ARFIP2: variants seen among roughly 807,000 people sequenced by gnomAD.
ARFIP2 encodes ARF interacting protein 2.
Under a neutral mutation model 39.2 loss-of-function variants are expected in ARFIP2, and 14 were observed. That is an observed-to-expected ratio of 0.36 (90% CI 0.24 to 0.56). The LOEUF is 0.56. Among genes scored for constraint, ARFIP2 ranks in the 20% least tolerant of loss-of-function variants. The pLI is 0.85. For missense variants in ARFIP2, 305 were observed against 422.5 expected (o/e 0.72, Z 2.44); for synonymous variants, 167 against 172.4 (o/e 0.97, Z 0.24).
In ARFIP2 at chr11:6,477,726, C is replaced by G; in HGVS notation, c.862G>C (p.Glu288Gln). The change falls in exon 7 of 8, where the codon GAA becomes CAA. Residue 288 changes from glutamate to glutamine, a missense_variant. Physicochemically the swap from Glu to Gln is conservative, Grantham distance 29 (BLOSUM62 2). Coordinates refer to ENST00000396777, the MANE Select transcript of ARFIP2 (RefSeq NM_001376558.2). The surrounding 1 kb of genome is among the most constrained non-coding windows in gnomAD (Gnocchi z 4.8). ...DVAIKLKFLE[E>Q]NKIKVMHKQL... The stretch of plus-strand genomic sequence containing the variant: ...GGGGGTGGGGTTGGCACCTTGTTTT[C>G]TTCCAGGAACTTGAGCTTGATGGCC... 6.2e-7 allele frequency: 1 copy of G among 1,613,768 alleles called. No individual in the cohort carries two copies. The highest frequency in any genetic ancestry group is 8.5e-7 in the Non-Finnish European group (1 of 1,179,846).
Position 6,478,538 on chromosome 11 carries a change from C to T in ARFIP2, c.537+200G>A, listed in dbSNP as rs897450908. ...TTATTTGTGAGGCACCTAGTGTGCCCCCTCCCCCACCCCCTCCAACTTCTG... is the reference window on the plus strand; with the variant it reads ...TTATTTGTGAGGCACCTAGTGTGCCTCCTCCCCCACCCCCTCCAACTTCTG... On this transcript the variant is annotated intron_variant, in intron 5 of 7. Transcript: ENST00000396777. This position sits in a 1 kb window ranked among gnomAD's most constrained non-coding sequence, Gnocchi z 4.8. The T allele has an allele frequency of 2.1e-6, 3 of 1,426,388 alleles. No homozygotes were observed. Among genetic ancestry groups the T allele is most frequent in the African/African-American group, 1.4e-5 (1 of 69,494 alleles). 88.4% of individuals were successfully genotyped at this position (1,426,388 alleles called of 1,614,324 possible).
rs773239072 is a variant in ARFIP2, at chr11:6,478,129, C to T, written c.607G>A (p.Val203Met). The T allele has an allele frequency of 1.1e-5, 17 of 1,613,936 alleles. No homozygotes were observed. The Admixed American group carries it at 1.8e-4, about 17-fold the overall frequency. The change falls in exon 6 of 8, where the codon GTG becomes ATG. Residue 203 changes from valine to methionine, a missense_variant. Coordinates refer to ENST00000396777, the MANE Select transcript of ARFIP2 (RefSeq NM_001376558.2). This position sits in a 1 kb window ranked among gnomAD's most constrained non-coding sequence, Gnocchi z 4.8. Reference protein sequence around the residue: ...CKNGETLLGAVNFFVSSINTL... With the variant: ...CKNGETLLGAMNFFVSSINTL... The stretch of plus-strand genomic sequence containing the variant: ...TTGATGCTAGAGACAAAGAAGTTCA[C>T]GGCTCCTAGCAGCGTTTCCCCATTC...
chr11:6,479,545 G>A (rs1003717335), intron 3 of ARFIP2: 1 of 599,954 alleles, frequency 1.7e-6, no homozygotes, highest in Admixed American at 3.0e-5. Flanking sequence ...GGGGCAGCAG[G>A]AGTCAAGGAT....
Position 6,477,445 on chromosome 11 carries a change from C to A in ARFIP2, c.871-177G>T, listed in dbSNP as rs113331104. ...AGAAGGGTCAGTATGATGGAAGAAACCTCACTGGATTTGTGGGCCTAGGGT... is the reference window on the plus strand; with the variant it reads ...AGAAGGGTCAGTATGATGGAAGAAAACTCACTGGATTTGTGGGCCTAGGGT... On this transcript the variant is annotated intron_variant, in intron 7 of 7. Transcript: ENST00000396777. This position sits in a 1 kb window ranked among gnomAD's most constrained non-coding sequence, Gnocchi z 4.8. Among the ~76,000 whole-genome samples the A allele has an allele frequency of 1.7e-3, 257 of 152,218 alleles. No homozygotes were observed. Among genetic ancestry groups the A allele is most frequent in the Middle Eastern group, 3.4e-3 (1 of 294 alleles).
chr11:6,478,023 C>T lies in ARFIP2; in HGVS notation c.695+18G>A. The T allele has an allele frequency of 6.2e-7, 1 of 1,612,730 alleles. No homozygotes were observed. Among genetic ancestry groups the T allele is most frequent in the Non-Finnish European group, 8.5e-7 (1 of 1,178,940 alleles). The stretch of plus-strand genomic sequence containing the variant: ...ACCAGCCAACTCCCCAAACCCTAAG[C>T]CCTGCCAGTGCCCACACCTGGCAGC... On this transcript the variant is annotated intron_variant, in intron 6 of 7. Coordinates refer to ENST00000396777, the MANE Select transcript of ARFIP2 (RefSeq NM_001376558.2). This position sits in a 1 kb window ranked among gnomAD's most constrained non-coding sequence, Gnocchi z 4.8.
intron 3 of ARFIP2, 108 bp downstream of exon 3, chr11:6,479,864 C>A: frequency 8.9e-7 from 1 of 1,125,520 alleles, no homozygotes. Flanking sequence ...AGCAGAAGTT[C>A]CCAAGATCTC....
chr11:6,479,942 C>T (rs369584834), intron 3 of ARFIP2, 30 bp downstream of exon 3: 2 of 1,604,412 alleles, frequency 1.2e-6, no homozygotes. Flanking sequence ...CCCTCCTCCA[C>T]CCAAGATTCC....
intron 1 of ARFIP2, 50 bp from the exon 2 acceptor site, chr11:6,480,513 A>G (rs1851623545): frequency 2.1e-6 from 2 of 947,300 alleles, no homozygotes; most frequent in South Asian, 3.5e-5. Context: ...ACTCTAGAAG[A>G]AGGAGGCCTC....
chr11:6,479,927 C>T (rs758843927), intron 3 of ARFIP2, 45 bp downstream of exon 3: 38 of 1,570,190 alleles, frequency 2.4e-5, no homozygotes, highest in Non-Finnish European at 3.3e-5. Flanking sequence ...CAAACCATTC[C>T]TGTCCCCTCC....
Position 6,480,380 on chromosome 11 carries a change from G to A in ARFIP2, c.42C>T (p.Ile14=). The A allele has an allele frequency of 6.2e-7, 1 of 1,613,638 alleles. No individual in the cohort carries two copies. The highest frequency in any genetic ancestry group is 8.5e-7 in the Non-Finnish European group (1 of 1,179,826). Residue 14 remains isoleucine, a synonymous_variant, in exon 2 of 8, where the codon ATC becomes ATT. Transcript: ENST00000396777. ...GILGKAATME[I]PIHGNGEARQ... The stretch of plus-strand genomic sequence containing the variant: ...TGGCTTCGCCGTTCCCGTGGATAGG[G>A]ATCTCCATTGTGGCTGCCTTCCCTA...
Position 6,478,440 on chromosome 11 carries a change from G to C in ARFIP2, c.538-242C>G. On this transcript the variant is annotated intron_variant, in intron 5 of 7. Coordinates refer to ENST00000396777, the MANE Select transcript of ARFIP2 (RefSeq NM_001376558.2). The surrounding 1 kb of genome is among the most constrained non-coding windows in gnomAD (Gnocchi z 4.8). Reference sequence around the variant, plus strand: ...TTCACAAGACTGGAACAGTCTGAGAGCTAGTGTGGCAAGCAGGGGAGGGGC... The same window carrying C: ...TTCACAAGACTGGAACAGTCTGAGACCTAGTGTGGCAAGCAGGGGAGGGGC... 1.0e-6 allele frequency: 1 copy of C among 971,492 alleles called. No individual in the cohort carries two copies. Among genetic ancestry groups the C allele is most frequent in the Non-Finnish European group, 1.5e-6 (1 of 676,916 alleles). 60.2% of individuals were successfully genotyped at this position (971,492 alleles called of 1,614,324 possible). A position where few individuals can be genotyped will look rare whatever the true frequency, so the allele number is the denominator to read the frequency against.
In ARFIP2 at chr11:6,476,827, C is replaced by T; in HGVS notation, c.*286G>A. On this transcript the variant is annotated 3_prime_UTR_variant, in exon 8 of 8. Transcript: ENST00000396777. ...CACACCCCAGCCTGAAGAGTGATGC[C>T]ATTGGCCAGGGAGTGGTTTTGTCAT... 2.7e-6 allele frequency: 1 copy of T among 367,466 alleles called. No individual in the cohort carries two copies. 22.8% of individuals were successfully genotyped at this position (367,466 alleles called of 1,614,324 possible).
In ARFIP2 at chr11:6,479,278, G is replaced by A. The variant is rs139083273; in HGVS notation, c.197-20C>T. On this transcript the variant is annotated intron_variant, in intron 3 of 7. Transcript: ENST00000396777. ...CAGACCCTAAAGGATCAAGTTCTCTGACACCAGCCTCTCTCAGATACACCA... is the reference window on the plus strand; with the variant it reads ...CAGACCCTAAAGGATCAAGTTCTCTAACACCAGCCTCTCTCAGATACACCA... 4.3e-3 allele frequency: 7,017 copies of A among 1,613,944 alleles called. 26 individuals carry two copies. Among genetic ancestry groups the A allele is most frequent in the Non-Finnish European group, 5.4e-3 (6,360 of 1,180,032 alleles).
In ARFIP2 at chr11:6,478,966, G is replaced by A. The variant is rs371542802; in HGVS notation, c.316-7C>T. Reference sequence around the variant, plus strand: ...ATAACAGTTGCTTTGTGCACTGATTGGGAAATGGGGGAATAAATCAGAGAC... The same window carrying A: ...ATAACAGTTGCTTTGTGCACTGATTAGGAAATGGGGGAATAAATCAGAGAC... On this transcript the variant is annotated splice_region_variant and splice_polypyrimidine_tract_variant and intron_variant, in intron 4 of 7. Coordinates refer to ENST00000396777, the MANE Select transcript of ARFIP2 (RefSeq NM_001376558.2). The surrounding 1 kb of genome is among the most constrained non-coding windows in gnomAD (Gnocchi z 4.8). The A allele has an allele frequency of 2.9e-4, 471 of 1,612,842 alleles. No homozygotes were observed. Among genetic ancestry groups the A allele is most frequent in the Non-Finnish European group, 3.7e-4 (435 of 1,179,112 alleles).
chr11:6,477,630 T>C lies in ARFIP2; in HGVS notation c.870+88A>G. ...CTCTACTCCCCAGCTAGGCTGCATT[T>C]CCTCATTCAATAATGGGGAGGGTCT... is the stretch of plus-strand genomic sequence containing the variant. On this transcript the variant is annotated intron_variant, in intron 7 of 7. Transcript: ENST00000396777. The surrounding 1 kb of genome is among the most constrained non-coding windows in gnomAD (Gnocchi z 4.8). The C allele has an allele frequency of 6.8e-7, 1 of 1,467,326 alleles. No individual in the cohort carries two copies. The allele number at this position is 1,467,326 out of a possible 1,614,324, so 90.9% of individuals were successfully genotyped here.
At position 6,480,006 on chromosome 11, in the gene ARFIP2, G is replaced by C. The variant is rs1420942310; in HGVS notation, c.162C>G (p.Gly54=). 4.3e-6 allele frequency: 7 copies of C among 1,613,990 alleles called. No homozygotes were observed. The highest frequency in any genetic ancestry group is 4.2e-6 in the Non-Finnish European group (5 of 1,180,042). Residue 54 remains glycine (G), a synonymous_variant, in exon 3 of 8, where the codon GGC becomes GGG. Transcript: ENST00000396777. ...NLNETSIVSG[G]YGGSGDGLIP... The stretch of plus-strand genomic sequence containing the variant: ...TGAGTCCATCACCAGAGCCCCCATA[G>C]CCACCAGACACAATGCTGGTTTCAT...
Position 6,479,208 on chromosome 11 carries a change from C to G in ARFIP2, c.247G>C (p.Glu83Gln), listed in dbSNP as rs890085753. ...HSTTPSGPGDEVARGIAGEKF... is the reference protein window; with the variant it reads ...HSTTPSGPGDQVARGIAGEKF... ...TCTCCAGCAATGCCCCGAGCCACCT[C>G]ATCTCCAGGGCCAGAAGGAGTGGTG... Residue 83 changes from glutamate to glutamine, a missense_variant, in exon 4 of 8, where the codon GAG becomes CAG. This residue lies in a region of ARFIP2 where 151 missense variants were observed against 203.1 expected (regional missense o/e 0.74). Coordinates refer to ENST00000396777, the MANE Select transcript of ARFIP2 (RefSeq NM_001376558.2). The G allele has an allele frequency of 6.2e-7, 1 of 1,614,186 alleles. No individual in the cohort carries two copies. Among genetic ancestry groups the G allele is most frequent in the African/African-American group, 1.3e-5 (1 of 75,046 alleles).
chr11:6,477,152 A>G lies in ARFIP2; in HGVS notation c.987T>C (p.Pro329=), dbSNP rs751330094. The G allele has an allele frequency of 3.7e-6, 6 of 1,611,542 alleles. No homozygotes were observed. In the African/African-American group the frequency reaches 6.7e-5, roughly 18 times the overall value. The change falls in exon 8 of 8, where the codon CCT becomes CCC. Residue 329 remains proline, a synonymous_variant. Transcript: ENST00000396777. This position sits in a 1 kb window ranked among gnomAD's most constrained non-coding sequence, Gnocchi z 4.8. ...GCCAGGAGGGTTTCTCAGCTCCTGG[A>G]GGCCGCAGCTTGATGTTGAACTGCT... is the stretch of plus-strand genomic sequence containing the variant. ...TLQQFNIKLR[P]PGAEKPSWLE... is the part of the protein sequence containing the mutation.
chr11:6,479,556 G>C (rs1160514945), intron 3 of ARFIP2: 10 of 590,852 alleles, frequency 1.7e-5, no homozygotes, highest in Non-Finnish European at 3.0e-5. Context: ...AGTCAAGGAT[G>C]GTGGGTCATG....
Sources: allele counts gnomAD v4.1 joint callset (sites outside exome capture counted in the v4.1 genomes callset), GRCh38; gene constraint gnomAD v4.1.1; regional missense constraint gnomAD v4.1.1; non-coding constraint Gnocchi (gnomAD v3.1); transcripts MANE v1.5; gene names NCBI Gene and HGNC (gene_info 2026-07-23, HGNC 2026-07-21).